SCLT1: variants seen among roughly 807,000 people sequenced by gnomAD.
The protein encoded by SCLT1 is sodium channel-associated protein 1.
A neutral mutation model predicts 112.8 loss-of-function variants in SCLT1; 78 were observed. The ratio of observed to expected loss-of-function variants is 0.69; its 90% CI spans 0.58 to 0.83. The LOEUF is 0.83. Ranked by LOEUF, SCLT1 falls within the 40% of genes least tolerant of loss-of-function variation. SCLT1 has a pLI of 0.00. For synonymous variants in SCLT1, 257 were observed against 254.7 expected (o/e 1.01, Z -0.09); for missense variants, 747 against 770.4 (o/e 0.97, Z 0.36).
At chr4:129,031,763 G>T (rs911109841) in intron 5 of SCLT1, among the ~76,000 whole-genome samples, 1 of 152,044 alleles carries the variant, frequency 6.6e-6, no homozygotes, top group Non-Finnish European at 1.5e-5. Flanking sequence ...GGGATATGAA[G>T]GACCTCTTCA....
chr4:128,897,800 TAG>T (rs1733908965), intron 18 of SCLT1, among the ~76,000 whole-genome samples: 1 of 152,096 alleles, frequency 6.6e-6, no homozygotes, highest in Non-Finnish European at 1.5e-5. Context: ...GAGACACACA[TAG>T]GCTCAAAATA....
chr4:128,894,958 A>G (rs318511), intron 18 of SCLT1, among the ~76,000 whole-genome samples: 110,488 of 152,044 alleles, frequency 0.73, 40,468 homozygotes, highest in African/African-American at 0.82. Flanking sequence ...GATTACAGGC[A>G]TGAGCCACCG....
At chr4:129,055,986 T>C (rs748049316) in intron 2 of SCLT1, among the ~76,000 whole-genome samples, 2 of 152,142 alleles carry the variant, frequency 1.3e-5, no homozygotes, top group African/African-American at 4.8e-5. Flanking sequence ...GGGAAAAGCA[T>C]AGTATCTGGG....
intron 15 of SCLT1, among the ~76,000 whole-genome samples, chr4:128,946,433 A>T (rs1198551419): frequency 6.6e-6 from 1 of 152,166 alleles, no homozygotes; most frequent in Non-Finnish European, 1.5e-5. Flanking sequence ...TTAGCTGGGC[A>T]TGGTGGCTCA....
rs951499787 is a variant in SCLT1 at position 129,020,050 on chromosome 4, G to A, written c.291-16174C>T. Among the ~76,000 whole-genome samples the A allele has an allele frequency of 5.9e-5, 9 of 152,062 alleles. No individual in the cohort carries two copies. The South Asian group carries it at 6.2e-4, about 10-fold the overall frequency. ...ATTTTATATCATCTGGTCCCTACCC[G>A]CCATGTGGGTCTCATCCTGCATAAT... On this transcript the variant is annotated intron_variant, in intron 5 of 20. Coordinates refer to ENST00000281142, the MANE Select transcript of SCLT1 (RefSeq NM_144643.4).
chr4:129,031,751 A>G (rs1293756285), intron 5 of SCLT1, among the ~76,000 whole-genome samples: 2 of 152,156 alleles, frequency 1.3e-5, no homozygotes, highest in African/African-American at 2.4e-5. Context: ...TCCAACTTAC[A>G]AGGGATATGA....
chr4:128,965,464 G>A, intron 10 of SCLT1, 146 bp from the exon 11 acceptor site: 5 of 620,278 alleles, frequency 8.1e-6, no homozygotes, highest in Non-Finnish European at 1.1e-5. Context: ...ATATGACTTT[G>A]GAAACAAATC....
chr4:129,049,944 G>A (rs1579846128), intron 2 of SCLT1, among the ~76,000 whole-genome samples: 1 of 152,046 alleles, frequency 6.6e-6, no homozygotes, highest in Admixed American at 6.5e-5. Flanking sequence ...TTGTGTCCCT[G>A]TGTTGTCATT....
At chr4:129,013,979 A>G (rs538918931) in intron 5 of SCLT1, among the ~76,000 whole-genome samples, 66 of 152,174 alleles carry the variant, frequency 4.3e-4, no homozygotes, top group African/African-American at 1.5e-3. Flanking sequence ...ACATAATCCC[A>G]TATTTCTTGG....
intron 18 of SCLT1, among the ~76,000 whole-genome samples, chr4:128,912,646 G>A (rs1277788188): frequency 6.6e-6 from 1 of 151,976 alleles, no homozygotes; most frequent in Non-Finnish European, 1.5e-5. Flanking sequence ...TTTTGTGCAA[G>A]TAAAAGTAAG....
At chr4:128,949,773 C>G (rs1738540905) in intron 14 of SCLT1, among the ~76,000 whole-genome samples, 1 of 151,134 alleles carries the variant, frequency 6.6e-6, no homozygotes, top group African/African-American at 2.4e-5. Flanking sequence ...TTAATCCAGT[C>G]TATCATTGTT....
intron 6 of SCLT1, among the ~76,000 whole-genome samples, chr4:129,002,536 A>G (rs1743597517): frequency 6.6e-6 from 1 of 152,114 alleles, no homozygotes; most frequent in African/African-American, 2.4e-5. Flanking sequence ...TTCCTTTAAA[A>G]ATTTTCATTG....
In SCLT1 at chr4:128,995,452, G is replaced by C. The variant is rs532083492; in HGVS notation, c.615+2422C>G. Among the ~76,000 whole-genome samples the C allele has an allele frequency of 5.9e-5, 9 of 152,106 alleles. No homozygotes were observed. In the East Asian group the frequency reaches 1.2e-3, roughly 20 times the overall value. On this transcript the variant is annotated intron_variant, in intron 8 of 20. Coordinates refer to ENST00000281142, the MANE Select transcript of SCLT1 (RefSeq NM_144643.4). Reference sequence around the variant, plus strand: ...TTCTTTTCATTAGGATTGGTTTCTGGAGATTTATCTTATTTCTTTGTATGG... The same window carrying C: ...TTCTTTTCATTAGGATTGGTTTCTGCAGATTTATCTTATTTCTTTGTATGG...
chr4:129,055,819 A>T (rs966092444), intron 2 of SCLT1, among the ~76,000 whole-genome samples: 6 of 135,084 alleles, frequency 4.4e-5, no homozygotes, highest in South Asian at 2.2e-4. Context: ...CCACTGGCAT[A>T]AAAAAAAAAA....
At chr4:129,062,121 G>A (rs930704691) in intron 2 of SCLT1, among the ~76,000 whole-genome samples, 1 of 152,138 alleles carries the variant, frequency 6.6e-6, no homozygotes, top group African/African-American at 2.4e-5. Context: ...AGATCCTCCT[G>A]CTTACCTTTC....
intron 8 of SCLT1, among the ~76,000 whole-genome samples, chr4:128,994,384 G>C (rs1221614786): frequency 1.3e-5 from 2 of 152,046 alleles, no homozygotes; most frequent in Admixed American, 6.6e-5. Context: ...GCATTCCACT[G>C]TATGTTTATA....
chr4:128,979,465 T>C (rs1452506004), intron 9 of SCLT1, among the ~76,000 whole-genome samples: 4 of 152,194 alleles, frequency 2.6e-5, no homozygotes, highest in African/African-American at 7.2e-5. Context: ...TCATGTATAA[T>C]CAGGAAACAG....
At chr4:128,898,979 A>C (rs1255867185) in intron 18 of SCLT1, among the ~76,000 whole-genome samples, 1 of 152,220 alleles carries the variant, frequency 6.6e-6, no homozygotes, top group African/African-American at 2.4e-5. Flanking sequence ...ACCAGGAAGA[A>C]GCTGATTCTC....
At position 129,053,557 on chromosome 4, in the gene SCLT1, A is replaced by ATTTTTTTTTTTTTTTTTTTTTTTTT. The variant is rs528905688; in HGVS notation, c.103-9531_103-9507dup. Among the ~76,000 whole-genome samples the ATTTTTTTTTTTTTTTTTTTTTTTTT allele has an allele frequency of 2.2e-4, 10 of 45,238 alleles. 2 individuals are homozygous for ATTTTTTTTTTTTTTTTTTTTTTTTT. The highest frequency in any genetic ancestry group is 7.4e-4 in the East Asian group (1 of 1,348). The allele number at this position is 45,238 out of a possible 152,430, so 29.7% of individuals were successfully genotyped here. The stretch of plus-strand genomic sequence containing the variant: ...TTAGAGACTAGGATTGCAATCCCTG[A>ATTTTTTTTTTTTTTTTTTTTTTTTT]TTTTTTTTTTTTTTTTTTTTTTTTT... On this transcript the variant is annotated intron_variant, in intron 2 of 20. Coordinates refer to ENST00000281142, the MANE Select transcript of SCLT1 (RefSeq NM_144643.4).
Sources: gnomAD v4.1 joint callset for allele counts (sites outside exome capture counted in the v4.1 genomes callset) on GRCh38, gnomAD v4.1.1 for gene constraint, MANE v1.5 for transcripts, NCBI Gene and HGNC (gene_info 2026-07-23, HGNC 2026-07-21) for gene names.